SPRY3: variants seen among roughly 807,000 people sequenced by gnomAD.
SPRY3 encodes protein sprouty homolog 3.
Under a neutral mutation model 20.2 loss-of-function variants are expected in SPRY3, and 15 were observed. The ratio of observed to expected loss-of-function variants is 0.74; its 90% CI spans 0.50 to 1.14. SPRY3 has a LOEUF of 1.14. Ranked by LOEUF, SPRY3 falls within the 50% of genes most tolerant of loss-of-function variation. The pLI is 0.00. For synonymous variants in SPRY3, 143 were observed against 136.5 expected, an observed-to-expected ratio of 1.05 and a Z score of -0.33; for missense variants, 364 against 363.9, an observed-to-expected ratio of 1.00 and a Z score of 0.00.
chrX:155,647,532 C>G lies in SPRY3; in HGVS notation c.-440-9335C>G, dbSNP rs887406660. On this transcript the variant is annotated intron_variant, in intron 1 of 3. Coordinates refer to ENST00000675360, the Ensembl canonical transcript of SPRY3. ...CCATATGGTCTCATTGCTCAACTCC[C>G]ACTTATGAGTGAGAACATGCAGTGT... 7.2e-5 allele frequency among the ~76,000 whole-genome samples: 8 copies of G among 110,432 alleles called. 1 individual carries two copies. The highest frequency in any genetic ancestry group is 1.5e-4 in the Non-Finnish European group (8 of 52,788).
chrX:155,711,583 T>G (rs2090986739), intron 2 of SPRY3, among the ~76,000 whole-genome samples: 1 of 151,738 alleles, frequency 6.6e-6, no homozygotes, highest in Admixed American at 6.6e-5. Flanking sequence ...GTGAATTTTG[T>G]TTACCTTTTT....
intron 2 of SPRY3, among the ~76,000 whole-genome samples, chrX:155,725,780 C>A (rs937244371): frequency 6.6e-6 from 1 of 152,048 alleles, no homozygotes; most frequent in African/African-American, 2.4e-5. Context: ...CTCCTGGATT[C>A]ATTGATTTTT....
intron 2 of SPRY3, among the ~76,000 whole-genome samples, chrX:155,672,368 GA>G (rs1557354834): frequency 9.1e-6 from 1 of 109,540 alleles, no homozygotes; most frequent in East Asian, 2.9e-4. Flanking sequence ...AAATTTACAA[GA>G]AAAAAACAAA....
intron 2 of SPRY3, among the ~76,000 whole-genome samples, chrX:155,766,014 T>C (rs1366745143): frequency 1.3e-5 from 2 of 152,206 alleles, no homozygotes; most frequent in African/African-American, 2.4e-5. Context: ...AAATATTTGT[T>C]GAATAAGTGT....
chrX:155,634,033 G>A (rs2067915692), intron 1 of SPRY3, among the ~76,000 whole-genome samples: 1 of 109,691 alleles, frequency 9.1e-6, no homozygotes, highest in African/African-American at 3.3e-5. Context: ...GTGAGCCGAG[G>A]TCACGCCACT....
chrX:155,676,901 G>C (rs1353517181), intron 2 of SPRY3, among the ~76,000 whole-genome samples: 6 of 111,268 alleles, frequency 5.4e-5, no homozygotes, highest in Non-Finnish European at 7.6e-5. Flanking sequence ...ATTTTTGAGG[G>C]GATACATTCA....
intron 3 of SPRY3, among the ~76,000 whole-genome samples, chrX:155,773,088 T>C (rs1315917636): frequency 6.6e-6 from 1 of 151,838 alleles, no homozygotes; most frequent in African/African-American, 2.4e-5. Flanking sequence ...TGAAGAGAAC[T>C]GCAAGATGAT....
intron 2 of SPRY3, among the ~76,000 whole-genome samples, chrX:155,693,407 C>A (rs2124576265): frequency 8.9e-6 from 1 of 111,890 alleles, no homozygotes; most frequent in Non-Finnish European, 1.9e-5. Flanking sequence ...ATATAGCCCA[C>A]CTTAGTAAAT....
At chrX:155,713,818 C>T (rs190916111) in intron 2 of SPRY3, among the ~76,000 whole-genome samples, 6 of 152,184 alleles carry the variant, frequency 3.9e-5, no homozygotes, top group East Asian at 3.9e-4. Flanking sequence ...TCTTTAAGGC[C>T]AATAACTCTT....
At chrX:155,727,181 C>T (rs1366076762) in intron 2 of SPRY3, among the ~76,000 whole-genome samples, 2 of 152,198 alleles carry the variant, frequency 1.3e-5, no homozygotes, top group Non-Finnish European at 2.9e-5. Context: ...CGCTGTTAGT[C>T]TGATGGGCTT....
chrX:155,636,953 A>G (rs918011179), intron 1 of SPRY3, among the ~76,000 whole-genome samples: 12 of 101,704 alleles, frequency 1.2e-4, no homozygotes, highest in Non-Finnish European at 1.8e-4. Context: ...CAAACACCAC[A>G]TATTCTCACT....
chrX:155,774,693 T>C, exon 4 of SPRY3: 1 of 1,613,908 alleles, frequency 6.2e-7, no homozygotes, highest in African/African-American at 1.3e-5. Context: ...GAAAGATCTC[T>C]TCTGGTAGTG....
At chrX:155,688,586 C>G (rs2068094429) in intron 2 of SPRY3, among the ~76,000 whole-genome samples, 1 of 110,906 alleles carries the variant, frequency 9.0e-6, no homozygotes, top group African/African-American at 3.3e-5. Context: ...TGTGACGGAT[C>G]TGACATGGTA....
intron 2 of SPRY3, among the ~76,000 whole-genome samples, chrX:155,752,288 CA>C (rs2091267363): frequency 6.7e-6 from 1 of 150,072 alleles, no homozygotes; most frequent in South Asian, 2.1e-4. Flanking sequence ...AAAGAGCTAT[CA>C]AAAAATATGA....
At chrX:155,656,305 CT>C in intron 1 of SPRY3, among the ~76,000 whole-genome samples, 1 of 111,013 alleles carries the variant, frequency 9.0e-6, no homozygotes, top group East Asian at 2.8e-4. Context: ...CCTTTTTAAT[CT>C]TTTTTTCTCT....
chrX:155,629,962 A>G (rs2067900795), intron 1 of SPRY3, among the ~76,000 whole-genome samples: 1 of 111,851 alleles, frequency 8.9e-6, no homozygotes, highest in Admixed American at 9.5e-5. Flanking sequence ...GCCACTGTGT[A>G]GCTTTTCCCA....
intron 2 of SPRY3, among the ~76,000 whole-genome samples, chrX:155,765,034 G>T (rs146058975): frequency 6.6e-6 from 1 of 152,016 alleles, no homozygotes; most frequent in Non-Finnish European, 1.5e-5. Flanking sequence ...GCAGGTCTTC[G>T]GGGCCTCTTT....
exon 4 of SPRY3, chrX:155,776,561 G>A (rs1438450917): frequency 6.0e-6 from 1 of 167,116 alleles, no homozygotes; most frequent in Non-Finnish European, 1.5e-5. Context: ...GAATTATACA[G>A]TTTCCCTCTA....
Position 155,774,828 on chromosome X carries a change from A to T in SPRY3, c.*90A>T, listed in dbSNP as rs2091413210. On this transcript the variant is annotated 3_prime_UTR_variant, in exon 4 of 4. Coordinates refer to ENST00000675360, the Ensembl canonical transcript of SPRY3. ...ATCTTTGGAGAGGGGGAGGAGTGAT[A>T]AACTAGCCAAAGTTAGGGCCTCTCT... 7 of 1,436,944 alleles carry T rather than the reference A, an allele frequency of 4.9e-6. No homozygotes were observed. The East Asian group carries it at 1.6e-4, about 33-fold the overall frequency. 89.0% of individuals were successfully genotyped at this position (1,436,944 alleles called of 1,614,324 possible).
Sources: allele counts gnomAD v4.1 joint callset (sites outside exome capture counted in the v4.1 genomes callset), GRCh38; gene constraint gnomAD v4.1.1; transcripts MANE v1.5; gene names NCBI Gene and HGNC (gene_info 2026-07-23, HGNC 2026-07-21).